Variants in MYLK3 observed in about 807,000 individuals in gnomAD.
MYLK3 encodes the protein MLC kinase.
Under a neutral mutation model 76.3 loss-of-function variants are expected in MYLK3, and 55 were observed. The ratio of observed to expected loss-of-function variants is 0.72; its 90% CI spans 0.58 to 0.90. The LOEUF is 0.90. Among genes scored for constraint, MYLK3 ranks in the 40% least tolerant of loss-of-function variants. The probability of loss-of-function intolerance (pLI) is 0.00; values close to 1 mark genes in which losing one functional copy is unlikely to be tolerated. For missense variants in MYLK3, 973 were observed against 1,053.6 expected, an observed-to-expected ratio of 0.92 and a Z score of 1.06; for synonymous variants, 416 against 425.4, an observed-to-expected ratio of 0.98 and a Z score of 0.27.
chr16:46,752,877 C>A (rs927762800), upstream of MYLK3, among the ~76,000 whole-genome samples: 1 of 152,032 alleles, frequency 6.6e-6, no homozygotes, highest in South Asian at 2.1e-4. Flanking sequence ...AAGACCCTGA[C>A]TCAAAAAATA....
chr16:46,740,536 C>CATATATATAT (rs370327693), intron 1 of MYLK3, among the ~76,000 whole-genome samples: 2 of 93,640 alleles, frequency 2.1e-5, no homozygotes, highest in African/African-American at 8.0e-5. Flanking sequence ...TATATACATA[C>CATATATATAT]ATATATATAT....
At chr16:46,741,603 C>A (rs929484054) in intron 1 of MYLK3, among the ~76,000 whole-genome samples, 2 of 152,194 alleles carry the variant, frequency 1.3e-5, no homozygotes, top group African/African-American at 4.8e-5. Flanking sequence ...GCATAAGGCA[C>A]TCACCAGTCT....
In MYLK3 at chr16:46,727,335, C is replaced by T. The variant is rs751893484; in HGVS notation, c.1815G>A (p.Lys605=). 299 of 1,613,694 alleles carry T rather than the reference C, an allele frequency of 1.9e-4. 1 individual carries two copies. Among genetic ancestry groups the T allele is most frequent in the Non-Finnish European group, 2.5e-4 (290 of 1,179,726 alleles). ...CCACATCCAGCTCAGTCAGGTGGTACTTCTCATCTGTGATCCGGTCGAAGA... is the reference window on the plus strand; with the variant it reads ...CCACATCCAGCTCAGTCAGGTGGTATTTCTCATCTGTGATCCGGTCGAAGA... ...GELFDRITDE[K]YHLTELDVVL... Residue 605 remains lysine (K), a synonymous_variant, in exon 8 of 13, where the codon AAG becomes AAA. Coordinates refer to ENST00000394809, the MANE Select transcript of MYLK3 (RefSeq NM_182493.3).
upstream of MYLK3, among the ~76,000 whole-genome samples, chr16:46,749,022 G>A (rs914755068): frequency 6.6e-6 from 1 of 152,248 alleles, no homozygotes; most frequent in Non-Finnish European, 1.5e-5. Flanking sequence ...CAACTATGCA[G>A]GTATCAGACA....
chr16:46,731,771 G>C (rs540190817), intron 4 of MYLK3, among the ~76,000 whole-genome samples: 53 of 152,292 alleles, frequency 3.5e-4, no homozygotes, highest in African/African-American at 1.2e-3. Context: ...ATGGTGGCAA[G>C]CTCAGGTGGG....
rs779895628 is a variant in MYLK3, at chr16:46,737,920, C to A, written c.792G>T (p.Leu264Phe). Residue 264 changes from leucine to phenylalanine, a missense_variant, in exon 3 of 13, where the codon TTG becomes TTT. Around this residue, in one of 2 missense-constraint regions of MYLK3, gnomAD observed 641 missense variants for 637.0 expected, o/e 1.01. Coordinates refer to ENST00000394809, the MANE Select transcript of MYLK3 (RefSeq NM_182493.3). ...CATTGACCCTGCCGGGTGCTGGAGC[C>A]AATTCCAGGCCAGTCCTGAGGTTCT... ...PSENLRTGLE[L>F]APAPGRVNVV... is the part of the protein sequence containing the mutation. 4.8e-5 allele frequency: 77 copies of A among 1,614,068 alleles called. No homozygotes were observed. The highest frequency in any genetic ancestry group is 6.4e-5 in the Non-Finnish European group (75 of 1,180,012).
chr16:46,726,654 GAAGAAAGAAAAAGA>G (rs1279051891), intron 8 of MYLK3: 3 of 42,150 alleles, frequency 7.1e-5, no homozygotes, highest in East Asian at 4.1e-3. Flanking sequence ...AAGAAAGAAA[GAAGAAAGAAAAAGA>G]AAGAAAGAGA....
chr16:46,728,233 T>C (rs1032851348), intron 7 of MYLK3, among the ~76,000 whole-genome samples: 3 of 151,656 alleles, frequency 2.0e-5, no homozygotes. Context: ...CGGTTGGGAG[T>C]GGTGGGGATT....
intron 9 of MYLK3, among the ~76,000 whole-genome samples, chr16:46,715,970 A>G (rs1488649999): frequency 1.3e-5 from 2 of 152,206 alleles, no homozygotes; most frequent in Non-Finnish European, 2.9e-5. Context: ...TTTGGCAAAA[A>G]ACAATTTGCT....
At chr16:46,716,905 G>A (rs1966746144) in intron 9 of MYLK3, among the ~76,000 whole-genome samples, 1 of 152,186 alleles carries the variant, frequency 6.6e-6, no homozygotes, top group Admixed American at 6.5e-5. Context: ...GATTCCTGGA[G>A]AGAGGGGGCA....
At chr16:46,763,170 T>A in exon 1 of MYLK3, 5 of 985,386 alleles carry the variant, frequency 5.1e-6, no homozygotes, top group Non-Finnish European at 6.0e-6. Flanking sequence ...GTTAAGTGGC[T>A]TGTCAACAGT....
intron 10 of MYLK3, 52 bp downstream of exon 10, chr16:46,712,596 G>A: frequency 1.5e-6 from 2 of 1,376,522 alleles, no homozygotes; most frequent in Non-Finnish European, 1.9e-6. Context: ...TTACCCAAAG[G>A]AAGACAAATG....
chr16:46,715,680 T>C (rs552509447), intron 9 of MYLK3, among the ~76,000 whole-genome samples: 3 of 152,306 alleles, frequency 2.0e-5, no homozygotes, highest in African/African-American at 7.2e-5. Context: ...ACTATTTAGA[T>C]GCACTGATGG....
chr16:46,710,898 G>A, intron 10 of MYLK3, 109 bp from the exon 11 acceptor site: 1 of 1,330,674 alleles, frequency 7.5e-7, no homozygotes, highest in Middle Eastern at 1.8e-4. Context: ...AGAACCAAGA[G>A]GGTTCAAAAT....
intron 9 of MYLK3, among the ~76,000 whole-genome samples, chr16:46,718,417 T>C (rs1284772166): frequency 1.3e-5 from 2 of 152,188 alleles, no homozygotes; most frequent in Non-Finnish European, 2.9e-5. Flanking sequence ...GCGGTTACAC[T>C]AGCAGCACAT....
At chr16:46,723,253 C>A (rs769341645) in intron 8 of MYLK3, among the ~76,000 whole-genome samples, 1 of 152,112 alleles carries the variant, frequency 6.6e-6, no homozygotes, top group South Asian at 2.1e-4. Flanking sequence ...CCTTTCATGT[C>A]TGATTTCTTT....
chr16:46,731,351 T>C lies in MYLK3; in HGVS notation c.1463-653A>G, dbSNP rs570248290. Reference sequence around the variant, plus strand: ...GTTTTTTAATGGTTTAGGGTTGTTTTATTTTAATCTTGTCCTTCAGAGGTG... The same window carrying C: ...GTTTTTTAATGGTTTAGGGTTGTTTCATTTTAATCTTGTCCTTCAGAGGTG... On this transcript the variant is annotated intron_variant, in intron 4 of 12. Transcript: ENST00000394809. Among the ~76,000 whole-genome samples, 3 of 152,386 alleles carry C rather than the reference T, an allele frequency of 2.0e-5. No homozygotes were observed. The East Asian group carries it at 5.8e-4, about 29-fold the overall frequency.
intron 9 of MYLK3, among the ~76,000 whole-genome samples, chr16:46,719,392 C>T (rs1966777100): frequency 6.6e-6 from 1 of 152,048 alleles, no homozygotes; most frequent in Non-Finnish European, 1.5e-5. Flanking sequence ...AAACAGAATC[C>T]TGGAGGAATC....
At position 46,703,382 on chromosome 16, in the gene MYLK3, C is replaced by G. The variant is rs1392076747; in HGVS notation, c.*4322G>C. ...AATAAAATTTCTGGATGAAAGAAAG[C>G]ATGGGAATGACTTTTATTTGGATAC... On this transcript the variant is annotated 3_prime_UTR_variant, in exon 13 of 13. Coordinates refer to ENST00000394809, the MANE Select transcript of MYLK3 (RefSeq NM_182493.3). 13 of 152,164 alleles carry G rather than the reference C, an allele frequency of 8.5e-5. No homozygotes were observed. Among genetic ancestry groups the G allele is most frequent in the Non-Finnish European group, 1.6e-4 (11 of 68,024 alleles). The allele number at this position is 152,164 out of a possible 1,614,324, so 9.4% of individuals were successfully genotyped here. A position where few individuals can be genotyped will look rare whatever the true frequency, so the allele number is the denominator to read the frequency against.
Sources: gnomAD v4.1 joint callset for allele counts (sites outside exome capture counted in the v4.1 genomes callset) on GRCh38, gnomAD v4.1.1 for gene constraint, gnomAD v4.1.1 regional missense constraint, MANE v1.5 for transcripts, NCBI Gene and HGNC (gene_info 2026-07-23, HGNC 2026-07-21) for gene names.